The following FBXO34 variants were observed in gnomAD, a reference collection of about 807,000 sequenced individuals.
The protein encoded by FBXO34 is F-box protein 34.
In FBXO34, 12 loss-of-function variants were observed where a neutral mutation model predicts 24.5. That is an observed-to-expected ratio of 0.49 (90% CI 0.31 to 0.79). The LOEUF is 0.79. Among genes scored for constraint, FBXO34 ranks in the 30% least tolerant of loss-of-function variants. The pLI, the probability that FBXO34 is intolerant of heterozygous loss-of-function variation, is 0.04. For missense variants in FBXO34, 823 were observed against 857.7 expected (o/e 0.96, Z 0.51); for synonymous variants, 320 against 311.9 (o/e 1.03, Z -0.27).
intron 1 of FBXO34, among the ~76,000 whole-genome samples, chr14:55,333,080 G>T (rs1883654997): frequency 6.6e-6 from 1 of 152,166 alleles, no homozygotes; most frequent in African/African-American, 2.4e-5. Flanking sequence ...GTGGGCTATT[G>T]TTAGCTACAA....
At chr14:55,329,022 C>T (rs191569481) in intron 1 of FBXO34, among the ~76,000 whole-genome samples, 6 of 151,774 alleles carry the variant, frequency 4.0e-5, no homozygotes, top group African/African-American at 9.7e-5. Context: ...TTGTCCCCCC[C>T]GTGTATCAAT....
the FBXO34 span, among the ~76,000 whole-genome samples, chr14:55,385,059 A>G: frequency 6.6e-6 from 1 of 152,220 alleles, no homozygotes; most frequent in Admixed American, 6.5e-5. Context: ...GATAACAGTT[A>G]TCTTAGCAGC....
At chr14:55,298,660 G>A in intron 1 of FBXO34, 4 of 1,527,768 alleles carry the variant, frequency 2.6e-6, no homozygotes, top group Admixed American at 1.9e-5. Context: ...GGGGCTGGAG[G>A]GGGTAAGGCC....
intron 1 of FBXO34, among the ~76,000 whole-genome samples, chr14:55,314,337 G>T (rs1201071612): frequency 1.3e-5 from 2 of 152,236 alleles, no homozygotes; most frequent in Non-Finnish European, 2.9e-5. Flanking sequence ...AGTGGAAACG[G>T]TCTTAACAGT....
intron 1 of FBXO34, among the ~76,000 whole-genome samples, chr14:55,326,433 T>TTC (rs768403906): frequency 6.6e-6 from 1 of 152,202 alleles, no homozygotes; most frequent in Non-Finnish European, 1.5e-5. Context: ...GAAGTGCCTT[T>TTC]TCTTAGGTCT....
the FBXO34 span, among the ~76,000 whole-genome samples, chr14:55,424,531 T>C: frequency 6.6e-6 from 1 of 152,340 alleles, no homozygotes; most frequent in Middle Eastern, 3.4e-3. Context: ...TGATTTAGTG[T>C]ATTGAGAGCT....
At chr14:55,337,462 C>T (rs1232669106) in intron 1 of FBXO34, among the ~76,000 whole-genome samples, 3 of 152,150 alleles carry the variant, frequency 2.0e-5, no homozygotes, top group Non-Finnish European at 4.4e-5. Context: ...GTCCTCAGGC[C>T]TCCGCTCAAG....
At chr14:55,441,704 T>A in the FBXO34 span, among the ~76,000 whole-genome samples, 1 of 152,222 alleles carries the variant, frequency 6.6e-6, no homozygotes, top group South Asian at 2.1e-4. Context: ...ATTATTTTAA[T>A]TTTCAGTGCC....
chr14:55,305,911 T>C (rs1257388031), intron 1 of FBXO34, among the ~76,000 whole-genome samples: 1 of 152,240 alleles, frequency 6.6e-6, no homozygotes, highest in Non-Finnish European at 1.5e-5. Context: ...TTTCATCTCC[T>C]TTCTGATTTT....
chr14:55,376,367 A>T, the FBXO34 span, among the ~76,000 whole-genome samples: 1 of 152,256 alleles, frequency 6.6e-6, no homozygotes, highest in Non-Finnish European at 1.5e-5. Flanking sequence ...AAACTCACAG[A>T]AACCAACCAT....
the FBXO34 span, among the ~76,000 whole-genome samples, chr14:55,378,894 G>A: frequency 0.014 from 2,113 of 151,818 alleles, 37 homozygotes; most frequent in African/African-American, 0.044. Flanking sequence ...TTTTAGTAGC[G>A]ACAAGGTCTC....
downstream of FBXO34, among the ~76,000 whole-genome samples, chr14:55,364,198 C>T (rs1034212831): frequency 6.6e-6 from 1 of 152,010 alleles, no homozygotes; most frequent in Non-Finnish European, 1.5e-5. Context: ...ATCCACCTGC[C>T]TTGGCCTCCC....
the FBXO34 span, among the ~76,000 whole-genome samples, chr14:55,399,083 T>C: frequency 6.6e-6 from 1 of 152,192 alleles, no homozygotes; most frequent in Non-Finnish European, 1.5e-5. Context: ...ACTATTTCTG[T>C]AATCCCATGT....
chr14:55,293,413 C>T (rs1490711665), intron 1 of FBXO34, among the ~76,000 whole-genome samples: 1 of 152,154 alleles, frequency 6.6e-6, no homozygotes, highest in African/African-American at 2.4e-5. Flanking sequence ...TGAACTTTGA[C>T]CTCAAGGGTT....
At chr14:55,320,576 C>G (rs1883095935) in intron 1 of FBXO34, among the ~76,000 whole-genome samples, 1 of 152,136 alleles carries the variant, frequency 6.6e-6, no homozygotes, top group South Asian at 2.1e-4. Context: ...ACGGTGAAAC[C>G]CCGTCTCTAC....
At chr14:55,414,034 C>A in the FBXO34 span, 2 of 542,540 alleles carry the variant, frequency 3.7e-6, no homozygotes, top group South Asian at 2.8e-5. Flanking sequence ...TCAGGTGCCT[C>A]ACCTCTTTCC....
At chr14:55,419,625 G>T in the FBXO34 span, among the ~76,000 whole-genome samples, 4 of 152,160 alleles carry the variant, frequency 2.6e-5, no homozygotes, top group Non-Finnish European at 4.4e-5. Context: ...CAGCTTACTT[G>T]ACTATAATTA....
intron 1 of FBXO34, among the ~76,000 whole-genome samples, chr14:55,285,028 G>C (rs1240714361): frequency 6.7e-6 from 1 of 148,722 alleles, no homozygotes; most frequent in South Asian, 2.2e-4. Flanking sequence ...CTCTGGCCAG[G>C]TGAGGTTAAA....
At chr14:55,331,306 T>C (rs536009427) in intron 1 of FBXO34, among the ~76,000 whole-genome samples, 6 of 152,228 alleles carry the variant, frequency 3.9e-5, no homozygotes, top group Non-Finnish European at 8.8e-5. Context: ...GCTTTTCCTA[T>C]GCCACTCTCA....
Sources: gnomAD v4.1 joint callset for allele counts (sites outside exome capture counted in the v4.1 genomes callset) on GRCh38, gnomAD v4.1.1 for gene constraint, MANE v1.5 for transcripts, NCBI Gene and HGNC (gene_info 2026-07-23, HGNC 2026-07-21) for gene names.